The following WBP1L variants were observed in gnomAD, a reference collection of about 807,000 sequenced individuals.
The protein encoded by WBP1L is WW domain binding protein 1 like.
WBP1L carries 17 observed loss-of-function variants against 33.7 expected under a neutral mutation model. That is an observed-to-expected ratio of 0.50 (90% CI 0.34 to 0.76). The LOEUF (loss-of-function observed/expected upper bound fraction) is 0.76. Ranked by LOEUF, WBP1L falls within the 30% of genes least tolerant of loss-of-function variation. The pLI is 0.01. For missense variants in WBP1L, 389 were observed against 469.4 expected, an observed-to-expected ratio of 0.83 and a Z score of 1.58; for synonymous variants, 173 against 190.8, an observed-to-expected ratio of 0.91 and a Z score of 0.77.
chr10:102,758,302 C>T lies in WBP1L; in HGVS notation c.90+14159C>T, dbSNP rs191770771. Among the ~76,000 whole-genome samples the T allele has an allele frequency of 3.6e-3, 551 of 152,206 alleles. 7 individuals carry two copies. Among genetic ancestry groups the T allele is most frequent in the African/African-American group, 0.012 (515 of 41,516 alleles). On this transcript the variant is annotated intron_variant, in intron 1 of 3. Transcript: ENST00000448841. ...TATCCACAAGGTGAGCCACCATCAC[C>T]GCTATCTTAATTTTAGACTATTTTC...
chr10:102,797,537 TTTTG>T (rs1279766541), intron 1 of WBP1L, among the ~76,000 whole-genome samples: 22 of 152,138 alleles, frequency 1.4e-4, no homozygotes, highest in Admixed American at 8.5e-4. Flanking sequence ...TTAAAGTTTT[TTTTG>T]TTTGTTTGTC....
intron 1 of WBP1L, among the ~76,000 whole-genome samples, chr10:102,793,455 G>A (rs892953641): frequency 1.3e-5 from 2 of 152,052 alleles, no homozygotes; most frequent in South Asian, 4.2e-4. Flanking sequence ...CAATAAATAC[G>A]TAAATAGTAA....
intron 1 of WBP1L, among the ~76,000 whole-genome samples, chr10:102,753,877 G>A (rs1842946538): frequency 6.6e-6 from 1 of 152,184 alleles, no homozygotes; most frequent in African/African-American, 2.4e-5. Flanking sequence ...TAAATATCTA[G>A]CAAGACAAAT....
At chr10:102,756,688 T>TTATAACAATATA (rs1248277404) in intron 1 of WBP1L, among the ~76,000 whole-genome samples, 3 of 152,078 alleles carry the variant, frequency 2.0e-5, no homozygotes, top group Admixed American at 6.6e-5. Context: ...GAGGATTGTG[T>TTATAACAATATA]GGTTATAGGG....
At chr10:102,774,253 G>C (rs1843228359) in intron 1 of WBP1L, among the ~76,000 whole-genome samples, 1 of 152,210 alleles carries the variant, frequency 6.6e-6, no homozygotes, top group Admixed American at 6.5e-5. Context: ...GCTGTGCCTT[G>C]ATGTCCAGCC....
intron 1 of WBP1L, among the ~76,000 whole-genome samples, chr10:102,751,274 T>G (rs1842922019): frequency 6.6e-6 from 1 of 152,016 alleles, no homozygotes. Flanking sequence ...AGTGCTGAGA[T>G]TACAGGTGTG....
At chr10:102,782,214 CTTTTT>C (rs397961661) in intron 1 of WBP1L, among the ~76,000 whole-genome samples, 3 of 49,168 alleles carry the variant, frequency 6.1e-5, no homozygotes, top group Admixed American at 6.6e-4. Flanking sequence ...AAAGAAGCTG[CTTTTT>C]TTTTTTTTTT....
chr10:102,782,214 C>CT (rs397961661), intron 1 of WBP1L, among the ~76,000 whole-genome samples: 23,477 of 48,780 alleles, frequency 0.48, 6,371 homozygotes, highest in Middle Eastern at 0.67. Context: ...AAAGAAGCTG[C>CT]TTTTTTTTTT....
chr10:102,753,474 T>A (rs1182695282), intron 1 of WBP1L, among the ~76,000 whole-genome samples: 1 of 152,224 alleles, frequency 6.6e-6, no homozygotes. Flanking sequence ...TTTTAAGGCT[T>A]GTTGATACAA....
intron 1 of WBP1L, among the ~76,000 whole-genome samples, chr10:102,760,726 C>T (rs576039668): frequency 2.0e-5 from 3 of 152,198 alleles, no homozygotes; most frequent in African/African-American, 4.8e-5. Context: ...TGAGGCCAGC[C>T]ATTCTGTGAT....
intron 1 of WBP1L, among the ~76,000 whole-genome samples, chr10:102,748,009 C>A (rs1842884609): frequency 6.6e-6 from 1 of 152,008 alleles, no homozygotes; most frequent in Admixed American, 6.6e-5. Context: ...GTAATCCCAG[C>A]ACTTTGGGAG....
chr10:102,770,533 G>GA (rs1179643845), intron 1 of WBP1L, among the ~76,000 whole-genome samples: 4 of 152,188 alleles, frequency 2.6e-5, no homozygotes, highest in African/African-American at 9.7e-5. Flanking sequence ...TTGACCAGAT[G>GA]GCAAAGGTGT....
In WBP1L at chr10:102,744,006, A is replaced by T. The variant is rs1440450053; in HGVS notation, c.-48A>T. ...AGGGTAGAGGAGGAGAGGGAGGAGG[A>T]GGAGGGAGGTGGCGGCGCCGTGGCG... On this transcript the variant is annotated 5_prime_UTR_variant, in exon 1 of 4. Transcript: ENST00000448841. The T allele has an allele frequency of 8.1e-6, 11 of 1,362,336 alleles. No homozygotes were observed. Among genetic ancestry groups the T allele is most frequent in the African/African-American group, 1.4e-5 (1 of 69,148 alleles). The allele number at this position is 1,362,336 out of a possible 1,614,324, so 84.4% of individuals were successfully genotyped here.
At chr10:102,774,378 C>T (rs1486304270) in intron 1 of WBP1L, among the ~76,000 whole-genome samples, 12 of 152,056 alleles carry the variant, frequency 7.9e-5, no homozygotes, top group Admixed American at 7.9e-4. Flanking sequence ...CCCCAAACAC[C>T]GGCAGCAGCA....
intron 1 of WBP1L, among the ~76,000 whole-genome samples, chr10:102,745,949 G>A (rs1842859147): frequency 6.6e-6 from 1 of 152,180 alleles, no homozygotes; most frequent in African/African-American, 2.4e-5. Flanking sequence ...ACAAAATATA[G>A]AATATAGTAA....
intron 1 of WBP1L, among the ~76,000 whole-genome samples, chr10:102,790,373 G>T (rs1201612998): frequency 6.6e-6 from 1 of 151,974 alleles, no homozygotes; most frequent in Non-Finnish European, 1.5e-5. Flanking sequence ...AATCATTTGA[G>T]ATATGCTTGT....
chr10:102,760,215 C>T (rs1178013005), intron 1 of WBP1L, among the ~76,000 whole-genome samples: 1 of 152,104 alleles, frequency 6.6e-6, no homozygotes, highest in Non-Finnish European at 1.5e-5. Flanking sequence ...GGGGCCAGAG[C>T]TCTTCCCAGT....
In WBP1L at chr10:102,799,523, T is replaced by C. The variant is rs1355295879; in HGVS notation, c.193+1428T>C. On this transcript the variant is annotated intron_variant, in intron 2 of 3. Coordinates refer to ENST00000448841, the MANE Select transcript of WBP1L (RefSeq NM_001083913.2). Reference sequence around the variant, plus strand: ...GGAACTCAGACGAGACAGTGTAGGATGCTGGACAAAGAATGAGAGGGTGTT... The same window carrying C: ...GGAACTCAGACGAGACAGTGTAGGACGCTGGACAAAGAATGAGAGGGTGTT... Among the ~76,000 whole-genome samples, 4 of 152,214 alleles carry C rather than the reference T, an allele frequency of 2.6e-5. No individual in the cohort carries two copies. In the East Asian group the frequency reaches 7.7e-4, roughly 29 times the overall value.
At chr10:102,744,590 T>C (rs1166206258) in intron 1 of WBP1L, 12 of 699,428 alleles carry the variant, frequency 1.7e-5, no homozygotes, top group Non-Finnish European at 2.1e-5. Flanking sequence ...CTGGGGAAAG[T>C]TCCGAGGGCA....
Sources: gnomAD v4.1 joint callset for allele counts (sites outside exome capture counted in the v4.1 genomes callset) on GRCh38, gnomAD v4.1.1 for gene constraint, MANE v1.5 for transcripts, NCBI Gene and HGNC (gene_info 2026-07-23, HGNC 2026-07-21) for gene names.